NAA16: variants seen among roughly 807,000 people sequenced by gnomAD.
NAA16 encodes N-alpha-acetyltransferase 16, NatA auxiliary subunit, also known as NARG1-like protein.
Under a neutral mutation model 110.3 loss-of-function variants are expected in NAA16, and 97 were observed. The observed-to-expected ratio is 0.88, with a 90% CI of 0.75 to 1.04. The LOEUF is 1.04. Ranked by LOEUF, NAA16 falls within the 50% of genes least tolerant of loss-of-function variation. The probability of loss-of-function intolerance (pLI) is 0.00; values close to 1 mark genes in which losing one functional copy is unlikely to be tolerated. For missense variants in NAA16, 1,017 were observed against 1,005.1 expected, an observed-to-expected ratio of 1.01 and a Z score of -0.16; for synonymous variants, 372 against 330.6, an observed-to-expected ratio of 1.13 and a Z score of -1.36.
chr13:41,329,484 T>C (rs2042177961), intron 7 of NAA16, among the ~76,000 whole-genome samples: 1 of 151,524 alleles, frequency 6.6e-6, no homozygotes, highest in Admixed American at 6.6e-5. Context: ...TGAAGTTGGC[T>C]CAAAGATGTT....
At chr13:41,352,242 T>TGA (rs1484268150) in intron 9 of NAA16, among the ~76,000 whole-genome samples, 2 of 152,060 alleles carry the variant, frequency 1.3e-5, no homozygotes, top group African/African-American at 4.8e-5. Flanking sequence ...CTCAGGAGGC[T>TGA]GAGGCAGGAG....
At chr13:41,312,698 C>T (rs1242899163) in intron 1 of NAA16, among the ~76,000 whole-genome samples, 1 of 152,166 alleles carries the variant, frequency 6.6e-6, no homozygotes, top group East Asian at 1.9e-4. Context: ...TAAGTATGAA[C>T]AGCGGCAGAT....
chr13:41,323,683 C>T (rs1359947103), intron 5 of NAA16, among the ~76,000 whole-genome samples: 3 of 150,696 alleles, frequency 2.0e-5, no homozygotes, highest in Non-Finnish European at 3.0e-5. Context: ...CGGGGTCTTG[C>T]GATGTTGTCC....
At chr13:41,332,911 T>G (rs558067726) in intron 8 of NAA16, among the ~76,000 whole-genome samples, 1 of 152,316 alleles carries the variant, frequency 6.6e-6, no homozygotes, top group African/African-American at 2.4e-5. Flanking sequence ...TGAAGAGTAG[T>G]GTTCTTCTGA....
At chr13:41,328,347 A>G (rs2042147257) in intron 6 of NAA16, among the ~76,000 whole-genome samples, 1 of 152,134 alleles carries the variant, frequency 6.6e-6, no homozygotes, top group Non-Finnish European at 1.5e-5. Flanking sequence ...TAGGAAAGAT[A>G]TATTTAAATC....
intron 9 of NAA16, among the ~76,000 whole-genome samples, chr13:41,345,176 A>G (rs1298367021): frequency 2.6e-5 from 4 of 152,216 alleles, no homozygotes; most frequent in Non-Finnish European, 5.9e-5. Flanking sequence ...TTGTGTAGAC[A>G]TGCTTCCATT....
intron 9 of NAA16, among the ~76,000 whole-genome samples, chr13:41,341,483 G>A (rs989427955): frequency 5.9e-5 from 9 of 152,184 alleles, no homozygotes; most frequent in African/African-American, 2.2e-4. Context: ...TTGGGAGGCT[G>A]AGGTGGGAGG....
chr13:41,335,915 C>G (rs747103013), intron 8 of NAA16, among the ~76,000 whole-genome samples: 31 of 151,232 alleles, frequency 2.0e-4, no homozygotes, highest in Admixed American at 1.3e-4. Context: ...TGTATTAGTC[C>G]ATACTGTCAA....
intron 9 of NAA16, among the ~76,000 whole-genome samples, chr13:41,349,990 C>T (rs1420043852): frequency 6.7e-6 from 1 of 149,482 alleles, no homozygotes; most frequent in African/African-American, 2.5e-5. Context: ...AAACATGAAA[C>T]CAAAATGTGC....
intron 9 of NAA16, among the ~76,000 whole-genome samples, chr13:41,340,691 T>TCC (rs1462129785): frequency 0.043 from 4,517 of 105,368 alleles, 940 homozygotes; most frequent in African/African-American, 0.2. Context: ...TTTTTTTTTT[T>TCC]CCGAGACGGA....
chr13:41,338,405 T>C (rs1292866469), intron 9 of NAA16, among the ~76,000 whole-genome samples: 1 of 152,160 alleles, frequency 6.6e-6, no homozygotes, highest in Non-Finnish European at 1.5e-5. Flanking sequence ...TTTTTTTTGG[T>C]ATTTTATATA....
chr13:41,314,587 A>G (rs1461998268), intron 1 of NAA16, among the ~76,000 whole-genome samples: 2 of 152,150 alleles, frequency 1.3e-5, no homozygotes, highest in Admixed American at 6.5e-5. Flanking sequence ...CCCTGCTGCA[A>G]GGCTTAAAGA....
At chr13:41,361,893 T>C in intron 12 of NAA16, 138 bp from the exon 13 acceptor site, 1 of 924,190 alleles carries the variant, frequency 1.1e-6, no homozygotes. Context: ...TATAAAACCA[T>C]GTTTGGAAAC....
chr13:41,374,885 A>G (rs750129695), intron 19 of NAA16, 46 bp downstream of exon 19: 13 of 1,148,096 alleles, frequency 1.1e-5, no homozygotes, highest in Middle Eastern at 4.8e-4. Context: ...CAGTGATCTA[A>G]CAAAACGTGT....
intron 4 of NAA16, 34 bp downstream of exon 4, chr13:41,320,858 A>C (rs779172049): frequency 6.5e-7 from 1 of 1,542,690 alleles, no homozygotes; most frequent in South Asian, 1.3e-5. Context: ...ACATGATTTT[A>C]CAGTAGACAA....
In NAA16 at chr13:41,369,084, T is replaced by G; in HGVS notation, c.1754-6T>G. ...CTCAGAATTTTGTTCATTTGGATAT[T>G]TATAGAAAACTTGTCAGCCAAAGAA... On this transcript the variant is annotated splice_polypyrimidine_tract_variant and splice_region_variant and intron_variant, in intron 14 of 19. Coordinates refer to ENST00000379406, the MANE Select transcript of NAA16 (RefSeq NM_024561.5). 1 of 1,554,384 alleles carries G rather than the reference T, an allele frequency of 6.4e-7. No individual in the cohort carries two copies. The highest frequency in any genetic ancestry group is 8.6e-7 in the Non-Finnish European group (1 of 1,159,920).
intron 8 of NAA16, among the ~76,000 whole-genome samples, chr13:41,331,953 A>G (rs555651084): frequency 6.6e-6 from 1 of 152,198 alleles, no homozygotes; most frequent in South Asian, 2.1e-4. Flanking sequence ...GCTTTTCTTA[A>G]TGTGACTTTT....
rs529855669 is a variant in NAA16 at position 41,342,427 on chromosome 13, C to T, written c.1014+5671C>T. Among the ~76,000 whole-genome samples, 13 of 152,306 alleles carry T rather than the reference C, an allele frequency of 8.5e-5. No individual in the cohort carries two copies. In the South Asian group the frequency reaches 1.0e-3, roughly 12 times the overall value. On this transcript the variant is annotated intron_variant, in intron 9 of 19. Transcript: ENST00000379406. ...TTCCAGGGTTACAGACGTGAACCAT[C>T]GCGCCTGGCCCAGACCAAACTTTTA...
intron 4 of NAA16, among the ~76,000 whole-genome samples, chr13:41,322,161 T>C (rs905312345): frequency 1.3e-5 from 2 of 152,108 alleles, no homozygotes; most frequent in African/African-American, 4.8e-5. Flanking sequence ...TGTAGAAGGA[T>C]TGCTTGAGCC....
Sources: gnomAD v4.1 joint callset for allele counts (sites outside exome capture counted in the v4.1 genomes callset) on GRCh38, gnomAD v4.1.1 for gene constraint, MANE v1.5 for transcripts, NCBI Gene and HGNC (gene_info 2026-07-23, HGNC 2026-07-21) for gene names.